The following VWC2 variants were observed in gnomAD, a reference collection of about 807,000 sequenced individuals.
VWC2 encodes von Willebrand factor C domain containing 2.
A neutral mutation model predicts 29.8 loss-of-function variants in VWC2; 14 were observed. That is an observed-to-expected ratio of 0.47 (90% CI 0.31 to 0.74). The LOEUF (loss-of-function observed/expected upper bound fraction) is 0.74. VWC2 is among the 30% of genes least tolerant of loss of function. VWC2 has a pLI of 0.05. For missense variants in VWC2, 457 were observed against 459.8 expected, an observed-to-expected ratio of 0.99 and a Z score of 0.05; for synonymous variants, 213 against 199.0, an observed-to-expected ratio of 1.07 and a Z score of -0.59.
chr7:49,850,644 T>A (rs1015359287), intron 3 of VWC2: 2 of 152,138 alleles, frequency 1.3e-5, no homozygotes, highest in Non-Finnish European at 2.9e-5. Flanking sequence ...GGATCAACTG[T>A]TTGTGATTAG....
intron 3 of VWC2, among the ~76,000 whole-genome samples, chr7:49,887,865 A>C (rs1583758612): frequency 6.6e-6 from 1 of 152,334 alleles, no homozygotes; most frequent in African/African-American, 2.4e-5. Flanking sequence ...TACTGCACTT[A>C]ACCACCAGAC....
chr7:49,892,647 G>A (rs138681239), intron 3 of VWC2, among the ~76,000 whole-genome samples: 1 of 152,304 alleles, frequency 6.6e-6, no homozygotes, highest in African/African-American at 2.4e-5. Flanking sequence ...CAGCTGGGTG[G>A]GAAGGCCTAT....
At chr7:49,787,215 A>G (rs1207591928) in intron 2 of VWC2, among the ~76,000 whole-genome samples, 1 of 152,220 alleles carries the variant, frequency 6.6e-6, no homozygotes, top group Non-Finnish European at 1.5e-5. Flanking sequence ...CCTTAGGGCA[A>G]TAGGCCAATC....
At chr7:49,867,079 T>C (rs951988952) in intron 3 of VWC2, among the ~76,000 whole-genome samples, 1 of 152,128 alleles carries the variant, frequency 6.6e-6, no homozygotes, top group Non-Finnish European at 1.5e-5. Context: ...GCTCAAGAAA[T>C]GTAAATAGCC....
rs928799073 is a variant in VWC2 at position 49,774,010 on chromosome 7, C to G, written c.-207C>G. 1 of 151,784 alleles carries G rather than the reference C, an allele frequency of 6.6e-6. No homozygotes were observed. Among genetic ancestry groups the G allele is most frequent in the Non-Finnish European group, 1.5e-5 (1 of 67,934 alleles). 9.4% of individuals were successfully genotyped at this position (151,784 alleles called of 1,614,324 possible). A position where few individuals can be genotyped will look rare whatever the true frequency, so the allele number is the denominator to read the frequency against. On this transcript the variant is annotated 5_prime_UTR_variant, in exon 1 of 4. Transcript: ENST00000340652. Reference sequence around the variant, plus strand: ...TGTTAGTGGTCCGCCCCACGCGGGTCGCCGGCCGGCCCAGGATGGGCGCTG... The same window carrying G: ...TGTTAGTGGTCCGCCCCACGCGGGTGGCCGGCCGGCCCAGGATGGGCGCTG...
Position 49,842,023 on chromosome 7 carries a change from C to T in VWC2, c.826+39183C>T, listed in dbSNP as rs193207044. On this transcript the variant is annotated intron_variant, in intron 3 of 3. Coordinates refer to ENST00000340652, the MANE Select transcript of VWC2 (RefSeq NM_198570.5). ...CTGGGATTACAGGTGCTCGCCACCA[C>T]GCCCAGCTAACTTTTTGTATTTTTA... 4.4e-3 allele frequency among the ~76,000 whole-genome samples: 674 copies of T among 152,182 alleles called. 4 individuals are homozygous for T. Among genetic ancestry groups the T allele is most frequent in the Middle Eastern group, 0.014 (4 of 294 alleles).
At chr7:49,841,729 C>T (rs1789797038) in intron 3 of VWC2, among the ~76,000 whole-genome samples, 3 of 152,312 alleles carry the variant, frequency 2.0e-5, no homozygotes, top group South Asian at 2.1e-4. Flanking sequence ...TGCCCTTGTC[C>T]ACACATTTCT....
chr7:49,907,418 A>T (rs1174428031), intron 3 of VWC2, among the ~76,000 whole-genome samples: 2 of 152,210 alleles, frequency 1.3e-5, no homozygotes, highest in East Asian at 3.9e-4. Flanking sequence ...ATTACTAGGA[A>T]TGACATTTGC....
chr7:49,813,523 T>A, intron 3 of VWC2, among the ~76,000 whole-genome samples: 1 of 152,214 alleles, frequency 6.6e-6, no homozygotes, highest in East Asian at 1.9e-4. Context: ...CTTGTTCATA[T>A]TATTCTTGGA....
At chr7:49,842,114 C>T (rs542844810) in intron 3 of VWC2, among the ~76,000 whole-genome samples, 26 of 152,298 alleles carry the variant, frequency 1.7e-4, no homozygotes, top group African/African-American at 6.3e-4. Flanking sequence ...GTGATCCACC[C>T]TCCTCAACCT....
chr7:49,848,018 A>G (rs1790020694), intron 3 of VWC2, among the ~76,000 whole-genome samples: 1 of 152,242 alleles, frequency 6.6e-6, no homozygotes, highest in African/African-American at 2.4e-5. Flanking sequence ...GGGCTAGCAC[A>G]GCATGTTGCT....
At chr7:49,815,057 G>A (rs1789104515) in intron 3 of VWC2, among the ~76,000 whole-genome samples, 1 of 152,190 alleles carries the variant, frequency 6.6e-6, no homozygotes. Flanking sequence ...GGAGAAAAGT[G>A]TGTTGTATGT....
chr7:49,788,558 AGT>A (rs1256845701), intron 2 of VWC2, among the ~76,000 whole-genome samples: 1 of 139,228 alleles, frequency 7.2e-6, no homozygotes, highest in Non-Finnish European at 1.5e-5. Flanking sequence ...TAAGTGTGAG[AGT>A]GTGTGAGTGT....
chr7:49,889,005 G>A (rs368816736), intron 3 of VWC2, among the ~76,000 whole-genome samples: 5 of 152,174 alleles, frequency 3.3e-5, no homozygotes, highest in Admixed American at 6.5e-5. Context: ...TTGGGCTGAC[G>A]CAAGTAGGGG....
chr7:49,783,321 G>T (rs1186923643), intron 2 of VWC2, among the ~76,000 whole-genome samples: 2 of 152,118 alleles, frequency 1.3e-5, no homozygotes, highest in Non-Finnish European at 2.9e-5. Flanking sequence ...GGGTCAGGGG[G>T]TCAAGGGGGC....
At chr7:49,792,900 C>T (rs376215554) in intron 2 of VWC2, among the ~76,000 whole-genome samples, 9 of 152,180 alleles carry the variant, frequency 5.9e-5, no homozygotes, top group South Asian at 2.1e-4. Flanking sequence ...CTACAGGGCA[C>T]GCTGAGGTAT....
At chr7:49,788,466 TGTGAGA>T (rs1236551886) in intron 2 of VWC2, among the ~76,000 whole-genome samples, 4 of 143,134 alleles carry the variant, frequency 2.8e-5, no homozygotes, top group Admixed American at 1.4e-4. Flanking sequence ...TGTGTGTGTG[TGTGAGA>T]GAGAGTGTGT....
intron 3 of VWC2, among the ~76,000 whole-genome samples, chr7:49,898,421 T>C (rs566644904): frequency 3.3e-5 from 5 of 152,124 alleles, no homozygotes; most frequent in South Asian, 2.1e-4. Context: ...CTAAAGAACT[T>C]TGAACATTTC....
chr7:49,864,147 T>C lies in VWC2; in HGVS notation c.827-47887T>C, dbSNP rs535638073. 2.7e-4 allele frequency among the ~76,000 whole-genome samples: 41 copies of C among 152,306 alleles called. 1 individual carries two copies. The highest frequency in any genetic ancestry group is 9.6e-4 in the African/African-American group (40 of 41,560). ...GACTTTTCTTAACTATTTTTCAGACTGTACTCCTTGCCATTGGTGTCACTG... is the reference window on the plus strand; with the variant it reads ...GACTTTTCTTAACTATTTTTCAGACCGTACTCCTTGCCATTGGTGTCACTG... On this transcript the variant is annotated intron_variant, in intron 3 of 3. Coordinates refer to ENST00000340652, the MANE Select transcript of VWC2 (RefSeq NM_198570.5).
Sources: gnomAD v4.1 joint callset for allele counts (sites outside exome capture counted in the v4.1 genomes callset) on GRCh38, gnomAD v4.1.1 for gene constraint, MANE v1.5 for transcripts, NCBI Gene and HGNC (gene_info 2026-07-23, HGNC 2026-07-21) for gene names.